Variants in DENND1A observed in about 807,000 individuals in gnomAD.
DENND1A encodes DENN domain containing 1A, also known as DENN domain-containing protein 1A.
A neutral mutation model predicts 113.7 loss-of-function variants in DENND1A; 51 were observed. The ratio of observed to expected loss-of-function variants is 0.45; its 90% CI spans 0.36 to 0.57. The LOEUF is 0.57. DENND1A is among the 20% of genes least tolerant of loss of function. The probability of loss-of-function intolerance (pLI) is 0.00; values close to 1 mark genes in which losing one functional copy is unlikely to be tolerated. For synonymous variants in DENND1A, 565 were observed against 570.8 expected (o/e 0.99, Z 0.14); for missense variants, 1,258 against 1,395.9 (o/e 0.90, Z 1.57).
intron 5 of DENND1A, among the ~76,000 whole-genome samples, chr9:123,747,496 G>T (rs1454165832): frequency 2.6e-5 from 4 of 152,134 alleles, no homozygotes; most frequent in Non-Finnish European, 4.4e-5. Flanking sequence ...TGTGGATTGA[G>T]CTAAAGCACA....
intron 11 of DENND1A, among the ~76,000 whole-genome samples, chr9:123,605,426 G>A (rs12115650): frequency 0.31 from 47,725 of 152,040 alleles, 7,792 homozygotes; most frequent in African/African-American, 0.36. Flanking sequence ...AATTGAGATC[G>A]CTTGAATGAA....
At chr9:123,624,712 T>TCTCTTAGCCAAGAGAA (rs1406227696) in intron 10 of DENND1A, among the ~76,000 whole-genome samples, 1 of 152,230 alleles carries the variant, frequency 6.6e-6, no homozygotes, top group Non-Finnish European at 1.5e-5. Context: ...CAGCCTTCCT[T>TCTCTTAGCCAAGAGAA]GCCAAGTCTT....
chr9:123,486,343 T>G (rs2050863902), intron 13 of DENND1A, among the ~76,000 whole-genome samples: 1 of 152,092 alleles, frequency 6.6e-6, no homozygotes, highest in Non-Finnish European at 1.5e-5. Context: ...ACTGTGCTCT[T>G]AGATGCCAGC....
chr9:123,469,407 T>C (rs185848036), intron 13 of DENND1A, among the ~76,000 whole-genome samples: 53 of 152,314 alleles, frequency 3.5e-4, no homozygotes, highest in African/African-American at 1.2e-3. Flanking sequence ...CGCTCTGGTA[T>C]TGACAGAAGC....
chr9:123,590,320 C>T (rs1362085243), intron 11 of DENND1A, among the ~76,000 whole-genome samples: 1 of 152,224 alleles, frequency 6.6e-6, no homozygotes, highest in African/African-American at 2.4e-5. Context: ...AGCTCCTACT[C>T]CAATATTTGC....
At chr9:123,694,960 A>G (rs149403980) in intron 5 of DENND1A, among the ~76,000 whole-genome samples, 22 of 152,304 alleles carry the variant, frequency 1.4e-4, no homozygotes, top group Non-Finnish European at 2.2e-4. Context: ...ATCCACCCTT[A>G]ATCTGGTGGG....
At chr9:123,660,616 ATTAT>A (rs1210684904) in intron 8 of DENND1A, among the ~76,000 whole-genome samples, 1 of 152,224 alleles carries the variant, frequency 6.6e-6, no homozygotes, top group African/African-American at 2.4e-5. Context: ...TTATCATAAC[ATTAT>A]TTATAGAAAA....
intron 13 of DENND1A, among the ~76,000 whole-genome samples, chr9:123,466,877 C>T (rs1196823253): frequency 9.0e-5 from 2 of 22,106 alleles, no homozygotes; most frequent in Non-Finnish European, 1.9e-4. Context: ...TAGACCCCAT[C>T]TCTTAAAAAA....
intron 13 of DENND1A, among the ~76,000 whole-genome samples, chr9:123,496,782 T>C (rs1258681943): frequency 6.6e-6 from 1 of 152,230 alleles, no homozygotes; most frequent in Admixed American, 6.5e-5. Context: ...ATTGATGCGC[T>C]GGTACACGTA....
At chr9:123,546,420 T>C (rs192051465) in intron 13 of DENND1A, among the ~76,000 whole-genome samples, 2,069 of 151,566 alleles carry the variant, frequency 0.014, 23 homozygotes, top group Non-Finnish European at 0.017. Flanking sequence ...GGCGTGGTGG[T>C]AGGCGCCTGT....
intron 5 of DENND1A, among the ~76,000 whole-genome samples, chr9:123,734,508 A>G (rs2068414896): frequency 6.6e-6 from 1 of 152,150 alleles, no homozygotes; most frequent in Admixed American, 6.5e-5. Flanking sequence ...ACCAAATAAC[A>G]ATACACGTTT....
At chr9:123,401,534 A>C in intron 21 of DENND1A, 1 of 1,336,940 alleles carries the variant, frequency 7.5e-7, no homozygotes, top group Non-Finnish European at 9.6e-7. Context: ...GTACGCTCAC[A>C]GAAAACCTGT....
intron 19 of DENND1A, among the ~76,000 whole-genome samples, chr9:123,428,273 T>C (rs1269835784): frequency 4.6e-5 from 7 of 152,254 alleles, no homozygotes; most frequent in African/African-American, 1.7e-4. Flanking sequence ...ATGTAATTCA[T>C]CACATAAACA....
intron 17 of DENND1A, among the ~76,000 whole-genome samples, chr9:123,451,151 C>T (rs1481045643): frequency 6.6e-6 from 1 of 152,158 alleles, no homozygotes; most frequent in African/African-American, 2.4e-5. Context: ...ATTTTCTGCC[C>T]AGGCTGAATG....
intron 9 of DENND1A, 103 bp from the exon 10 acceptor site, chr9:123,630,579 G>A: frequency 1.4e-6 from 1 of 722,952 alleles, no homozygotes; most frequent in Non-Finnish European, 2.0e-6. Context: ...ATGTTTACAT[G>A]ATAAGCTGAA....
chr9:123,639,506 C>A (rs184371918), intron 9 of DENND1A, among the ~76,000 whole-genome samples: 2 of 148,908 alleles, frequency 1.3e-5, no homozygotes, highest in African/African-American at 4.9e-5. Context: ...ATAAAACAGC[C>A]ACACTCACGC....
At chr9:123,725,068 T>G (rs1288088369) in intron 5 of DENND1A, among the ~76,000 whole-genome samples, 1 of 152,228 alleles carries the variant, frequency 6.6e-6, no homozygotes, top group African/African-American at 2.4e-5. Context: ...TCTAAATTTA[T>G]AGTAAAACAT....
chr9:123,929,900 G>T lies in DENND1A; in HGVS notation c.6C>A (p.Gly2=). 1 of 342,234 alleles carries T rather than the reference G, an allele frequency of 2.9e-6. No individual in the cohort carries two copies. Among genetic ancestry groups the T allele is most frequent in the Non-Finnish European group, 5.5e-6 (1 of 183,422 alleles). 21.2% of individuals were successfully genotyped at this position (342,234 alleles called of 1,614,324 possible). The change falls in exon 1 of 24, where the codon GGC becomes GGA. Residue 2 remains glycine, a synonymous_variant. Transcript: ENST00000394215. ...CCGGCCGCACTCACTTGATCCTGGA[G>T]CCCATGGTCCCCAGGCCTCCTCATG... M[G]SRIKQNPETT...
intron 2 of DENND1A, among the ~76,000 whole-genome samples, chr9:123,857,919 CGTGG>C (rs1280913697): frequency 3.3e-5 from 5 of 151,934 alleles, no homozygotes; most frequent in African/African-American, 1.2e-4. Flanking sequence ...ATTAGCTGGG[CGTGG>C]TGGCGGACGC....
Sources: gnomAD v4.1 joint callset for allele counts (sites outside exome capture counted in the v4.1 genomes callset) on GRCh38, gnomAD v4.1.1 for gene constraint, MANE v1.5 for transcripts, NCBI Gene and HGNC (gene_info 2026-07-23, HGNC 2026-07-21) for gene names.